HYDIN: variants seen among roughly 807,000 people sequenced by gnomAD.
The protein encoded by HYDIN is HYDIN axonemal central pair apparatus protein.
A neutral mutation model predicts 403.9 loss-of-function variants in HYDIN; 132 were observed. That is an observed-to-expected ratio of 0.33 (90% confidence interval 0.28 to 0.38). The LOEUF is 0.38. Ranked by LOEUF, HYDIN falls within the 10% of genes least tolerant of loss-of-function variation. HYDIN has a pLI of 1.00. For synonymous variants in HYDIN, 1,202 were observed against 1,891.7 expected, an observed-to-expected ratio of 0.64 and a Z score of 9.46; for missense variants, 2,827 against 5,009.5, an observed-to-expected ratio of 0.56 and a Z score of 13.15.
At chr16:71,007,660 G>C (rs1212594588) in intron 23 of HYDIN, among the ~76,000 whole-genome samples, 11 of 134,164 alleles carry the variant, frequency 8.2e-5, no homozygotes, top group African/African-American at 3.6e-4. Context: ...TAACACGCTG[G>C]TGAGGCAGAG....
chr16:71,148,416 G>C (rs2085403434), intron 7 of HYDIN, among the ~76,000 whole-genome samples: 1 of 152,140 alleles, frequency 6.6e-6, no homozygotes, highest in Admixed American at 6.5e-5. Context: ...AGAGCATAAG[G>C]ATTGAACAAA....
Position 70,892,485 on chromosome 16 carries a change from G to A in HYDIN, c.9293C>T (p.Ser3098Phe), listed in dbSNP as rs2143722058. 1 of 1,598,280 alleles carries A rather than the reference G, an allele frequency of 6.3e-7. No individual in the cohort carries two copies. The highest frequency in any genetic ancestry group is 2.2e-5 in the East Asian group (1 of 44,784). The change falls in exon 56 of 86, where the codon TCC (serine) becomes TTC (phenylalanine). Residue 3098 changes from serine to phenylalanine, a missense_variant. Ser to Phe is a radical substitution (Grantham distance 155). Coordinates refer to ENST00000393567, the MANE Select transcript of HYDIN (RefSeq NM_001270974.2). ...SVGISTPNIN[S>F]MISVQPKKGS... The stretch of plus-strand genomic sequence containing the variant: ...CTTTTTGGGTTGGACTGAGATCATG[G>A]AATTTATATTAGGTGTTGAAATCCC...
At chr16:71,111,166 TAAAC>T (rs2083817904) in intron 10 of HYDIN, among the ~76,000 whole-genome samples, 1 of 121,758 alleles carries the variant, frequency 8.2e-6, no homozygotes, top group African/African-American at 3.2e-5. Context: ...GTTGCATCCA[TAAAC>T]AAACACTTAG....
chr16:71,152,261 C>T (rs569876845), intron 7 of HYDIN, among the ~76,000 whole-genome samples: 13 of 151,904 alleles, frequency 8.6e-5, no homozygotes, highest in African/African-American at 3.1e-4. Flanking sequence ...TGGATCTTAG[C>T]TTACTCGAAT....
chr16:71,195,922 G>T (rs1227015976), intron 1 of HYDIN, among the ~76,000 whole-genome samples: 1 of 152,142 alleles, frequency 6.6e-6, no homozygotes, highest in Admixed American at 6.5e-5. Flanking sequence ...TGTTCAAACT[G>T]TAGAAGTTTC....
At position 71,011,126 on chromosome 16, in the gene HYDIN, G is replaced by A. The variant is rs184393229; in HGVS notation, c.3644+7003C>T. 7.8e-3 allele frequency among the ~76,000 whole-genome samples: 1,186 copies of A among 152,250 alleles called. 29 individuals are homozygous for A. Among genetic ancestry groups the A allele is most frequent in the African/African-American group, 0.027 (1,112 of 41,542 alleles). ...CCCGTAGGAGCCCTTATAGGATTCC[G>A]GGGCTGCTTCACTTAGCAGCATTTG... On this transcript the variant is annotated intron_variant, in intron 23 of 85. Transcript: ENST00000393567.
intron 23 of HYDIN, among the ~76,000 whole-genome samples, chr16:70,998,648 C>T (rs1042731697): frequency 2.9e-5 from 4 of 136,278 alleles, no homozygotes; most frequent in Non-Finnish European, 6.0e-5. Flanking sequence ...TCCTTCCTTC[C>T]TCTGACTCTA....
At chr16:71,012,847 C>CTTTTT (rs35998725) in intron 23 of HYDIN, among the ~76,000 whole-genome samples, 1 of 125,776 alleles carries the variant, frequency 8.0e-6, no homozygotes, top group African/African-American at 2.9e-5. Flanking sequence ...AACCAGGTGG[C>CTTTTT]TTTTTTTTTT....
At chr16:70,837,189 C>T (rs191230367) in intron 77 of HYDIN, among the ~76,000 whole-genome samples, 8 of 152,188 alleles carry the variant, frequency 5.3e-5, no homozygotes, top group African/African-American at 1.4e-4. Context: ...AAAAGAAATG[C>T]CTTGAACCAA....
At chr16:71,116,230 CTTTTTTTTTTT>C (rs3051996) in intron 9 of HYDIN, among the ~76,000 whole-genome samples, 6 of 97,848 alleles carry the variant, frequency 6.1e-5, no homozygotes, top group African/African-American at 2.0e-4. Context: ...TGAGTTAGAC[CTTTTTTTTTTT>C]TTTTTTTTTT....
At chr16:71,042,742 T>C (rs1347973199) in intron 18 of HYDIN, among the ~76,000 whole-genome samples, 7 of 152,216 alleles carry the variant, frequency 4.6e-5, no homozygotes, top group African/African-American at 1.4e-4. Flanking sequence ...TGCCTCTCAA[T>C]ACTTTCAGAA....
chr16:70,848,983 G>C (rs1361937707), intron 75 of HYDIN, among the ~76,000 whole-genome samples: 2 of 151,562 alleles, frequency 1.3e-5, no homozygotes, highest in Non-Finnish European at 2.9e-5. Flanking sequence ...ACAACTGATT[G>C]TTTTTGAGCA....
At chr16:70,872,559 C>T (rs2143656704) in intron 64 of HYDIN, among the ~76,000 whole-genome samples, 1 of 149,372 alleles carries the variant, frequency 6.7e-6, no homozygotes, top group Admixed American at 6.7e-5. Flanking sequence ...CACCATCCAC[C>T]CTCCCCCATC....
intron 42 of HYDIN, among the ~76,000 whole-genome samples, 184 bp from the exon 43 acceptor site, chr16:70,942,003 C>T (rs1237217868): frequency 1.4e-5 from 2 of 145,420 alleles, no homozygotes; most frequent in Non-Finnish European, 3.0e-5. Flanking sequence ...AATGTTTAAT[C>T]AGCCAGTCTT....
intron 45 of HYDIN, among the ~76,000 whole-genome samples, chr16:70,932,025 A>AC (rs2077355138): frequency 6.7e-6 from 1 of 148,754 alleles, no homozygotes; most frequent in African/African-American, 2.5e-5. Flanking sequence ...AAAAAAAAAA[A>AC]AAAAAAAAAA....
intron 83 of HYDIN, among the ~76,000 whole-genome samples, chr16:70,821,727 CTA>C (rs1431606672): frequency 6.6e-6 from 1 of 151,398 alleles, no homozygotes; most frequent in African/African-American, 2.4e-5. Flanking sequence ...TTTCTTGGAT[CTA>C]TAGTTTTTTT....
rs1486395122 is a variant in HYDIN, at chr16:70,862,240, T to G, written c.11585A>C (p.Asp3862Ala). 5.6e-6 allele frequency: 9 copies of G among 1,612,292 alleles called. No individual in the cohort carries two copies. Among genetic ancestry groups the G allele is most frequent in the Middle Eastern group, 3.8e-4 (2 of 5,322 alleles). Residue 3862 changes from aspartate (D) to alanine (A), a missense_variant, in exon 69 of 86, where the codon GAT (aspartate) becomes GCT (alanine). Physicochemically the swap from Asp to Ala is moderately radical, Grantham distance 126 (BLOSUM62 -2). Transcript: ENST00000393567. The stretch of plus-strand genomic sequence containing the variant: ...ATGCATCGTGCCCTGACTAAGCTGA[T>G]CTTTTTGAGCTGAACCTGGGGACAG... The part of the protein sequence containing the change: ...KPDHQGSAQK[D>A]QLSQGTMHTG...
intron 42 of HYDIN, among the ~76,000 whole-genome samples, chr16:70,942,166 A>G (rs934532789): frequency 3.3e-5 from 5 of 150,896 alleles, no homozygotes; most frequent in African/African-American, 1.2e-4. Flanking sequence ...CTGGGATTAC[A>G]GGTGCCCACC....
chr16:71,225,666 G>T (rs994763715), intron 1 of HYDIN, among the ~76,000 whole-genome samples: 3 of 152,130 alleles, frequency 2.0e-5, no homozygotes, highest in East Asian at 1.9e-4. Flanking sequence ...TTGGTGCTTA[G>T]AACTTGAGGT....
Sources: allele counts gnomAD v4.1 joint callset (sites outside exome capture counted in the v4.1 genomes callset), GRCh38; gene constraint gnomAD v4.1.1; transcripts MANE v1.5; gene names NCBI Gene and HGNC (gene_info 2026-07-23, HGNC 2026-07-21).